GABBR2: variants seen among roughly 807,000 people sequenced by gnomAD.
The protein encoded by GABBR2 is G-protein coupled receptor 51.
GABBR2 carries 23 observed loss-of-function variants against 105.6 expected under a neutral mutation model. The observed-to-expected ratio is 0.22, with a 90% CI of 0.16 to 0.31. The LOEUF (loss-of-function observed/expected upper bound fraction) is 0.31, where lower values mean the gene tolerates loss of function less well. Ranked by LOEUF, GABBR2 falls within the 10% of genes least tolerant of loss-of-function variation. GABBR2 has a pLI of 1.00. For missense variants in GABBR2, 734 were observed against 1,245.5 expected (o/e 0.59, Z 6.18); for synonymous variants, 478 against 499.7 (o/e 0.96, Z 0.58).
intron 8 of GABBR2, among the ~76,000 whole-genome samples, chr9:98,396,549 C>T (rs943697898): frequency 3.3e-5 from 5 of 152,186 alleles, no homozygotes; most frequent in South Asian, 2.1e-4. Context: ...ACTGCGCAAG[C>T]GGCTGTTGCT....
At chr9:98,409,725 C>G (rs1190162342) in intron 7 of GABBR2, among the ~76,000 whole-genome samples, 1 of 152,186 alleles carries the variant, frequency 6.6e-6, no homozygotes, top group Non-Finnish European at 1.5e-5. Flanking sequence ...TGCCTCAATT[C>G]AGGACACCCG....
intron 1 of GABBR2, among the ~76,000 whole-genome samples, chr9:98,661,970 C>T (rs1830271199): frequency 6.6e-6 from 1 of 152,184 alleles, no homozygotes; most frequent in African/African-American, 2.4e-5. Flanking sequence ...ATTGCAACCA[C>T]ATCGCAGCTC....
intron 1 of GABBR2, among the ~76,000 whole-genome samples, chr9:98,622,596 C>CAGA (rs1649852928): frequency 1.3e-5 from 2 of 152,302 alleles, no homozygotes; most frequent in South Asian, 4.2e-4. Flanking sequence ...TGCTCAGAGT[C>CAGA]AGACTGTATG....
At chr9:98,566,971 T>C (rs527896890) in intron 2 of GABBR2, among the ~76,000 whole-genome samples, 1 of 152,220 alleles carries the variant, frequency 6.6e-6, no homozygotes, top group African/African-American at 2.4e-5. Flanking sequence ...TTTACATGTT[T>C]GTCCCCAGAG....
At chr9:98,623,191 G>A (rs1013667089) in intron 1 of GABBR2, among the ~76,000 whole-genome samples, 1 of 152,226 alleles carries the variant, frequency 6.6e-6, no homozygotes, top group East Asian at 1.9e-4. Context: ...TTGGGAGGCC[G>A]AGGCAGTTTG....
intron 13 of GABBR2, among the ~76,000 whole-genome samples, chr9:98,333,898 T>C (rs529298132): frequency 1.3e-5 from 2 of 152,356 alleles, no homozygotes. Context: ...TTAACCCCTC[T>C]GTGCCTCAGT....
At chr9:98,440,872 G>C (rs549178155) in intron 7 of GABBR2, among the ~76,000 whole-genome samples, 26 of 152,246 alleles carry the variant, frequency 1.7e-4, no homozygotes, top group African/African-American at 6.0e-4. Flanking sequence ...CCTGATTTTA[G>C]AAAACTTCCT....
Position 98,429,743 on chromosome 9 carries a change from T to C in GABBR2, c.1237-23602A>G, listed in dbSNP as rs796934308. On this transcript the variant is annotated intron_variant, in intron 7 of 18. Coordinates refer to ENST00000259455, the MANE Select transcript of GABBR2 (RefSeq NM_005458.8). ...CTTCAGAACAAAGCAGGGGAGCTTT[T>C]CAGTCTGGAAGGGGAGGCGAGAAAA... Among the ~76,000 whole-genome samples the C allele has an allele frequency of 2.4e-4, 36 of 152,308 alleles. 1 individual carries two copies. Among genetic ancestry groups the C allele is most frequent in the African/African-American group, 8.2e-4 (34 of 41,576 alleles).
chr9:98,375,433 AT>A (rs1398147463), intron 11 of GABBR2: 2 of 152,042 alleles, frequency 1.3e-5, no homozygotes, highest in African/African-American at 4.8e-5. Context: ...CATCTATCTG[AT>A]TACCTGTCTG....
intron 1 of GABBR2, among the ~76,000 whole-genome samples, chr9:98,617,860 A>G (rs1000441658): frequency 1.3e-5 from 2 of 152,178 alleles, no homozygotes; most frequent in African/African-American, 4.8e-5. Flanking sequence ...TTACAGCCAG[A>G]CAGATCTGCA....
chr9:98,392,017 G>C (rs1462507430), intron 9 of GABBR2, among the ~76,000 whole-genome samples: 1 of 152,144 alleles, frequency 6.6e-6, no homozygotes, highest in Non-Finnish European at 1.5e-5. Context: ...AGAAGGCCTG[G>C]GCTCTGCCCT....
intron 7 of GABBR2, among the ~76,000 whole-genome samples, chr9:98,410,412 T>C (rs1537959): frequency 0.47 from 71,302 of 151,638 alleles, 17,510 homozygotes; most frequent in African/African-American, 0.59. Flanking sequence ...GCCCTGAAAC[T>C]ACATTTCCCA....
In GABBR2 at chr9:98,481,073, A is replaced by T. The variant is rs977034490; in HGVS notation, c.733-76T>A. 3 of 926,344 alleles carry T rather than the reference A, an allele frequency of 3.2e-6. No homozygotes were observed. The African/African-American group carries it at 4.8e-5, about 15-fold the overall frequency. 57.4% of individuals were successfully genotyped at this position (926,344 alleles called of 1,614,324 possible). ...TAAAGGGTTCAAGGCTGTGGCAGACAACATTCCTTCACCTCTGGCTCTTAG... is the reference window on the plus strand; with the variant it reads ...TAAAGGGTTCAAGGCTGTGGCAGACTACATTCCTTCACCTCTGGCTCTTAG... On this transcript the variant is annotated intron_variant, in intron 4 of 18. Coordinates refer to ENST00000259455, the MANE Select transcript of GABBR2 (RefSeq NM_005458.8).
intron 2 of GABBR2, among the ~76,000 whole-genome samples, chr9:98,573,286 T>C (rs116764698): frequency 0.02 from 3,047 of 152,252 alleles, 101 homozygotes; most frequent in African/African-American, 0.07. Context: ...ACAACACTTA[T>C]TATTTTTTTT....
chr9:98,439,626 G>A (rs1241165909), intron 7 of GABBR2, among the ~76,000 whole-genome samples: 1 of 152,160 alleles, frequency 6.6e-6, no homozygotes, highest in Non-Finnish European at 1.5e-5. Flanking sequence ...ATGTGTGTGT[G>A]CATGCATGCA....
intron 9 of GABBR2, 70 bp downstream of exon 9, chr9:98,394,105 C>T (rs956301938): frequency 1.8e-6 from 2 of 1,102,258 alleles, no homozygotes; most frequent in Non-Finnish European, 2.8e-6. Flanking sequence ...TTGTCCCTAA[C>T]CCTTAGACAA....
chr9:98,575,207 ACTTT>A (rs1828889806), intron 2 of GABBR2, among the ~76,000 whole-genome samples: 2 of 152,110 alleles, frequency 1.3e-5, no homozygotes, highest in Non-Finnish European at 2.9e-5. Context: ...CTAGGGCCCT[ACTTT>A]AGCAGCCCCC....
intron 5 of GABBR2, among the ~76,000 whole-genome samples, chr9:98,475,016 C>T (rs1007891461): frequency 6.6e-6 from 1 of 152,142 alleles, no homozygotes; most frequent in Admixed American, 6.6e-5. Flanking sequence ...TCCATTGGTT[C>T]GGCAAGGTAT....
chr9:98,399,944 C>T (rs988146319), intron 8 of GABBR2, among the ~76,000 whole-genome samples: 4 of 150,134 alleles, frequency 2.7e-5, no homozygotes, highest in Admixed American at 6.7e-5. Flanking sequence ...GAGGCTGAGA[C>T]AGCAGGAGGA....
Sources: allele counts gnomAD v4.1 joint callset (sites outside exome capture counted in the v4.1 genomes callset), GRCh38; gene constraint gnomAD v4.1.1; transcripts MANE v1.5; gene names NCBI Gene and HGNC (gene_info 2026-07-23, HGNC 2026-07-21).